MCCC1: variants seen among roughly 807,000 people sequenced by gnomAD.
The protein encoded by MCCC1 is methylcrotonyl-CoA carboxylase subunit 1.
MCCC1 carries 64 observed loss-of-function variants against 83.8 expected under a neutral mutation model. The observed-to-expected ratio is 0.76, with a 90% CI of 0.62 to 0.94. MCCC1 has a LOEUF of 0.94. Among genes scored for constraint, MCCC1 ranks in the 40% least tolerant of loss-of-function variants. The pLI is 0.00. For synonymous variants in MCCC1, 322 were observed against 315.4 expected (o/e 1.02, Z -0.22); for missense variants, 807 against 904.7 (o/e 0.89, Z 1.39).
upstream of MCCC1, among the ~76,000 whole-genome samples, chr3:183,099,958 A>G (rs1275875803): frequency 6.6e-6 from 1 of 152,214 alleles, no homozygotes; most frequent in East Asian, 1.9e-4. Flanking sequence ...ACTATTGGGA[A>G]AAAGAGGAAG....
chr3:183,074,669 T>TC (rs1716933922), intron 4 of MCCC1, among the ~76,000 whole-genome samples: 1 of 152,178 alleles, frequency 6.6e-6, no homozygotes, highest in African/African-American at 2.4e-5. Flanking sequence ...TGCTGGATAC[T>TC]CATATGTTGC....
intron 3 of MCCC1, among the ~76,000 whole-genome samples, chr3:183,089,208 C>T (rs1055547493): frequency 6.6e-6 from 1 of 152,158 alleles, no homozygotes; most frequent in Admixed American, 6.6e-5. Context: ...AGGTTTAAAG[C>T]ATTTAAGAAG....
At chr3:183,061,912 T>C (rs545063017) in intron 7 of MCCC1, among the ~76,000 whole-genome samples, 2 of 152,286 alleles carry the variant, frequency 1.3e-5, no homozygotes, top group African/African-American at 4.8e-5. Context: ...ATAATCCCCA[T>C]GTGTGGTGGG....
intron 17 of MCCC1, 101 bp from the exon 18 acceptor site, chr3:183,017,438 A>T (rs959931808): frequency 2.0e-6 from 2 of 1,025,302 alleles, no homozygotes; most frequent in Non-Finnish European, 1.5e-6. Context: ...ATATATACTC[A>T]TAACATCATG....
rs1387070053 is a variant in MCCC1 at position 183,086,757 on chromosome 3, G to A, written c.305C>T (p.Pro102Leu). The change falls in exon 4 of 19, where the codon CCC (proline) becomes CTC (leucine). Residue 102 changes from proline (P) to leucine (L), a missense_variant. By Grantham distance (98) the Pro-to-Leu change is moderately conservative. Transcript: ENST00000265594. ...ADEAYSIGPAPSQQSYLSMEK... is the reference protein window; with the variant it reads ...ADEAYSIGPALSQQSYLSMEK... ...CATAGATAGGTAGCTCTGCTGGGAG[G>A]GAGCGGGGCCGATGGAATATGCTTC... 4.3e-6 allele frequency: 7 copies of A among 1,614,152 alleles called. No individual in the cohort carries two copies. The highest frequency in any genetic ancestry group is 5.9e-6 in the Non-Finnish European group (7 of 1,180,030).
At chr3:183,055,600 T>C (rs1169829781) in intron 8 of MCCC1, among the ~76,000 whole-genome samples, 1 of 151,918 alleles carries the variant, frequency 6.6e-6, no homozygotes, top group African/African-American at 2.4e-5. Flanking sequence ...TGTCCACTTA[T>C]AATTATATGT....
At chr3:183,031,107 G>A (rs1243850630) in intron 14 of MCCC1, among the ~76,000 whole-genome samples, 1 of 152,144 alleles carries the variant, frequency 6.6e-6, no homozygotes, top group Non-Finnish European at 1.5e-5. Flanking sequence ...CGTGTATCCT[G>A]GAGTGTGGGT....
At chr3:183,032,720 A>G (rs1228796903) in intron 14 of MCCC1, among the ~76,000 whole-genome samples, 1 of 152,104 alleles carries the variant, frequency 6.6e-6, no homozygotes, top group Non-Finnish European at 1.5e-5. Flanking sequence ...TAAAAATACA[A>G]AAACTTAGCC....
intron 3 of MCCC1, among the ~76,000 whole-genome samples, chr3:183,088,172 C>T (rs1718041034): frequency 6.6e-6 from 1 of 151,156 alleles, no homozygotes; most frequent in Non-Finnish European, 1.5e-5. Context: ...CACAAAGAGA[C>T]CATTTTAAAT....
intron 8 of MCCC1, among the ~76,000 whole-genome samples, chr3:183,054,797 C>A (rs1715285800): frequency 6.6e-6 from 1 of 152,080 alleles, no homozygotes; most frequent in Non-Finnish European, 1.5e-5. Context: ...TTTTAATAAT[C>A]TTTTATACTG....
At chr3:183,112,000 AC>A (rs1006858440) in intron 1 of MCCC1, among the ~76,000 whole-genome samples, 18 of 152,278 alleles carry the variant, frequency 1.2e-4, no homozygotes, top group Admixed American at 6.5e-4. Context: ...AAAAAAAAAA[AC>A]ATTCCTCAAT....
intron 1 of MCCC1, among the ~76,000 whole-genome samples, chr3:183,110,537 G>C (rs1168832715): frequency 6.6e-6 from 1 of 151,748 alleles, no homozygotes; most frequent in Non-Finnish European, 1.5e-5. Context: ...GGGACTACAG[G>C]CGCCCGCCAC....
At position 183,061,284 on chromosome 3, in the gene MCCC1, G is replaced by A. The variant is rs1436713568; in HGVS notation, c.762-3862C>T. Among the ~76,000 whole-genome samples the A allele has an allele frequency of 4.6e-5, 7 of 152,110 alleles. No homozygotes were observed. The South Asian group carries it at 1.0e-3, about 23-fold the overall frequency. On this transcript the variant is annotated intron_variant, in intron 7 of 18. Transcript: ENST00000265594. ...TTCCCCCTCCCCTTAGGTGAAATGG[G>A]AAGACTAAAGGGGGTTGTGGTTGGC...
upstream of MCCC1, among the ~76,000 whole-genome samples, chr3:183,103,912 G>A (rs1266751612): frequency 1.3e-5 from 2 of 152,186 alleles, no homozygotes; most frequent in Non-Finnish European, 2.9e-5. Context: ...GCCAAGGCCC[G>A]GCGAGAAATC....
chr3:183,072,562 T>C, intron 4 of MCCC1, 75 bp from the exon 5 acceptor site: 1 of 1,567,284 alleles, frequency 6.4e-7, no homozygotes, highest in Non-Finnish European at 8.7e-7. Flanking sequence ...GGTGAAGCTG[T>C]CTTCCTCTGG....
intron 1 of MCCC1, among the ~76,000 whole-genome samples, chr3:183,109,363 G>C (rs1719455160): frequency 6.6e-6 from 1 of 152,116 alleles, no homozygotes; most frequent in African/African-American, 2.4e-5. Context: ...CGTCACCCTG[G>C]TGAGCATAGT....
At chr3:183,032,786 AT>A (rs1713188822) in intron 14 of MCCC1, among the ~76,000 whole-genome samples, 1 of 151,924 alleles carries the variant, frequency 6.6e-6, no homozygotes, top group Non-Finnish European at 1.5e-5. Context: ...AGGCATGAGA[AT>A]GGCACGAACC....
At chr3:183,105,708 A>T (rs187298300) in intron 1 of MCCC1, among the ~76,000 whole-genome samples, 1 of 152,168 alleles carries the variant, frequency 6.6e-6, no homozygotes, top group African/African-American at 2.4e-5. Context: ...AAGAAAGAAA[A>T]AAAAAAACTC....
chr3:183,074,817 C>T (rs543064909), intron 4 of MCCC1, among the ~76,000 whole-genome samples: 5 of 152,166 alleles, frequency 3.3e-5, no homozygotes, highest in African/African-American at 1.2e-4. Context: ...GTTCGTCACC[C>T]AGGTATTAAG....
Sources: allele counts gnomAD v4.1 joint callset (sites outside exome capture counted in the v4.1 genomes callset), GRCh38; gene constraint gnomAD v4.1.1; transcripts MANE v1.5; gene names NCBI Gene and HGNC (gene_info 2026-07-23, HGNC 2026-07-21).